Variants in NCAM2 observed in about 807,000 individuals in gnomAD.
The protein encoded by NCAM2 is neural cell adhesion molecule 2.
Under a neutral mutation model 98.1 loss-of-function variants are expected in NCAM2, and 30 were observed. That is an observed-to-expected ratio of 0.31 (90% CI 0.23 to 0.41). NCAM2 has a LOEUF of 0.41. Among genes scored for constraint, NCAM2 ranks in the 10% least tolerant of loss-of-function variants. The pLI is 1.00. For missense variants in NCAM2, 867 were observed against 1,005.8 expected, an observed-to-expected ratio of 0.86 and a Z score of 1.87; for synonymous variants, 368 against 342.4, an observed-to-expected ratio of 1.07 and a Z score of -0.83.
intron 9 of NCAM2, among the ~76,000 whole-genome samples, chr21:21,381,076 A>C (rs145034908): frequency 6.6e-6 from 1 of 152,350 alleles, no homozygotes; most frequent in East Asian, 1.9e-4. Context: ...ATATGATAGA[A>C]TATTGCTTTC....
rs116057380 is a variant in NCAM2, at chr21:21,287,981, T to C, written c.481+1569T>C. Among the ~76,000 whole-genome samples, 820 of 151,994 alleles carry C rather than the reference T, an allele frequency of 5.4e-3. 11 individuals carry two copies. Among genetic ancestry groups the C allele is most frequent in the African/African-American group, 0.019 (790 of 41,520 alleles). On this transcript the variant is annotated intron_variant, in intron 4 of 17. Coordinates refer to ENST00000400546, the MANE Select transcript of NCAM2 (RefSeq NM_004540.5). Reference sequence around the variant, plus strand: ...ACATAAAGTCCTTTCTTGACATCTATGGGTGATTTGTTCCAGGACCTCCCA... The same window carrying C: ...ACATAAAGTCCTTTCTTGACATCTACGGGTGATTTGTTCCAGGACCTCCCA...
intron 16 of NCAM2, among the ~76,000 whole-genome samples, chr21:21,531,381 G>T (rs1413101855): frequency 3.9e-5 from 6 of 152,094 alleles, no homozygotes; most frequent in African/African-American, 1.4e-4. Flanking sequence ...AGTGATGCAG[G>T]TAACACTGAT....
intron 1 of NCAM2, among the ~76,000 whole-genome samples, chr21:21,148,052 A>G (rs1030256146): frequency 6.6e-6 from 1 of 152,112 alleles, no homozygotes; most frequent in Admixed American, 6.6e-5. Flanking sequence ...TGCCAATCCT[A>G]CCTTCCTCCC....
At position 21,387,518 on chromosome 21, in the gene NCAM2, C is replaced by CAA. The variant is rs544931484; in HGVS notation, c.1195+13514_1195+13515dup. On this transcript the variant is annotated intron_variant, in intron 9 of 17. Transcript: ENST00000400546. The stretch of plus-strand genomic sequence containing the variant: ...AGTGTATCTTTCAGGATATTCAAGA[C>CAA]AAAAAAAAAACTCAGTGAAGTCTGT... Among the ~76,000 whole-genome samples, 387 of 148,006 alleles carry CAA rather than the reference C, an allele frequency of 2.6e-3. 2 individuals are homozygous for CAA. The highest frequency in any genetic ancestry group is 6.9e-3 in the African/African-American group (279 of 40,472).
At chr21:21,389,668 G>A (rs2076339870) in intron 9 of NCAM2, among the ~76,000 whole-genome samples, 1 of 152,034 alleles carries the variant, frequency 6.6e-6, no homozygotes, top group African/African-American at 2.4e-5. Flanking sequence ...CCAAATATAA[G>A]TGAGAACATT....
At chr21:21,136,755 C>T (rs903979099) in intron 1 of NCAM2, among the ~76,000 whole-genome samples, 10 of 151,824 alleles carry the variant, frequency 6.6e-5, no homozygotes, top group Admixed American at 2.6e-4. Flanking sequence ...AGCATGAGCC[C>T]GGCCCATTTT....
intron 1 of NCAM2, among the ~76,000 whole-genome samples, chr21:21,132,965 A>G (rs1213648110): frequency 2.0e-5 from 3 of 152,154 alleles, no homozygotes; most frequent in East Asian, 3.9e-4. Flanking sequence ...TCACTTATAC[A>G]TAGATCCTTA....
chr21:21,387,487 G>C (rs1489328143), intron 9 of NCAM2, among the ~76,000 whole-genome samples: 1 of 150,856 alleles, frequency 6.6e-6, no homozygotes, highest in African/African-American at 2.5e-5. Context: ...TCTGCCACAA[G>C]GTCTTAGTGT....
intron 16 of NCAM2, among the ~76,000 whole-genome samples, chr21:21,530,207 A>ATTTAATTTAATTTAATTATATATG (rs1306257591): frequency 3.2e-5 from 1 of 31,056 alleles, no homozygotes; most frequent in Non-Finnish European, 7.9e-5. Flanking sequence ...AATTATATAT[A>ATTTAATTTAATTTAATTATATATG]ATTTAATTTA....
intron 1 of NCAM2, among the ~76,000 whole-genome samples, chr21:21,154,569 C>T (rs116785392): frequency 0.012 from 1,844 of 151,818 alleles, 47 homozygotes; most frequent in African/African-American, 0.043. Flanking sequence ...AGACACAAAA[C>T]GAAAACGACA....
chr21:21,148,149 A>G (rs1352637378), intron 1 of NCAM2, among the ~76,000 whole-genome samples: 1 of 152,182 alleles, frequency 6.6e-6, no homozygotes, highest in African/African-American at 2.4e-5. Flanking sequence ...CAGCACACCA[A>G]TTCAAATGCT....
At chr21:21,021,687 A>G (rs2146188314) in intron 1 of NCAM2, among the ~76,000 whole-genome samples, 1 of 152,298 alleles carries the variant, frequency 6.6e-6, no homozygotes, top group South Asian at 2.1e-4. Flanking sequence ...TTTATCTTAT[A>G]AACCCAAGCT....
At chr21:21,446,016 G>T (rs968587309) in intron 12 of NCAM2, among the ~76,000 whole-genome samples, 1 of 152,070 alleles carries the variant, frequency 6.6e-6, no homozygotes, top group South Asian at 2.1e-4. Context: ...AGCTTTTGCA[G>T]GGCAGGCCTG....
At chr21:21,448,092 C>G (rs34579318) in intron 12 of NCAM2, among the ~76,000 whole-genome samples, 83 of 152,158 alleles carry the variant, frequency 5.5e-4, no homozygotes, top group Non-Finnish European at 9.1e-4. Context: ...GACACATGCA[C>G]ACGTATGTTT....
rs1237456788 is a variant in NCAM2 at position 21,418,475 on chromosome 21, T to C, written c.1386T>C (p.Ile462=). The C allele has an allele frequency of 6.3e-7, 1 of 1,597,762 alleles. No homozygotes were observed. Among genetic ancestry groups the C allele is most frequent in the Non-Finnish European group, 8.6e-7 (1 of 1,165,836 alleles). The change falls in exon 11 of 18, where the codon ATT becomes ATC. Residue 462 remains isoleucine, a splice_region_variant and synonymous_variant. Coordinates refer to ENST00000400546, the MANE Select transcript of NCAM2 (RefSeq NM_004540.5). ...ATTTGTTATTATAATTATTTCAGAT[T>C]GCACCTACATCTGACAATGACTTTG... ...YSTGRKMILE[I]APTSDNDFGR...
chr21:21,154,738 G>C (rs963279559), intron 1 of NCAM2, among the ~76,000 whole-genome samples: 1 of 151,796 alleles, frequency 6.6e-6, no homozygotes, highest in East Asian at 1.9e-4. Flanking sequence ...CTAAATATTT[G>C]TGTGTATGTT....
intron 1 of NCAM2, among the ~76,000 whole-genome samples, chr21:21,060,700 A>G (rs892531025): frequency 1.3e-5 from 2 of 152,290 alleles, no homozygotes; most frequent in African/African-American, 4.8e-5. Flanking sequence ...TGTGAGTAGC[A>G]TAGACACACA....
chr21:21,116,238 G>A (rs2066557113), intron 1 of NCAM2, among the ~76,000 whole-genome samples: 1 of 152,056 alleles, frequency 6.6e-6, no homozygotes, highest in Non-Finnish European at 1.5e-5. Flanking sequence ...GAAGGGATTA[G>A]CATAATTGTT....
Position 21,268,340 on chromosome 21 carries a change from A to C in NCAM2, c.56-12238A>C, listed in dbSNP as rs560877094. On this transcript the variant is annotated intron_variant, in intron 1 of 17. Coordinates refer to ENST00000400546, the MANE Select transcript of NCAM2 (RefSeq NM_004540.5). Reference sequence around the variant, plus strand: ...GCATGTTTGGGTTTTGGGACATTGCACCTTCCCACACCACACAGGAGCCAA... The same window carrying C: ...GCATGTTTGGGTTTTGGGACATTGCCCCTTCCCACACCACACAGGAGCCAA... Among the ~76,000 whole-genome samples, 3 of 152,252 alleles carry C rather than the reference A, an allele frequency of 2.0e-5. No individual in the cohort carries two copies. The South Asian group carries it at 6.2e-4, about 32-fold the overall frequency.
Sources: gnomAD v4.1 joint callset for allele counts (sites outside exome capture counted in the v4.1 genomes callset) on GRCh38, gnomAD v4.1.1 for gene constraint, MANE v1.5 for transcripts, NCBI Gene and HGNC (gene_info 2026-07-23, HGNC 2026-07-21) for gene names.